The following WHAMM variants were observed in gnomAD, a reference collection of about 807,000 sequenced individuals.
The protein encoded by WHAMM is WASP homolog associated with actin, golgi membranes and microtubules, also known as WASP homolog-associated protein with actin, membranes and microtubules.
In WHAMM, 67 loss-of-function variants were observed where a neutral mutation model predicts 76.5. The observed-to-expected ratio is 0.88, with a 90% CI of 0.72 to 1.07. The LOEUF is 1.07. WHAMM is among the 50% of genes least tolerant of loss of function. The probability of loss-of-function intolerance (pLI) is 0.00; values close to 1 mark genes in which losing one functional copy is unlikely to be tolerated. For missense variants in WHAMM, 1,021 were observed against 1,051.1 expected, an observed-to-expected ratio of 0.97 and a Z score of 0.40; for synonymous variants, 419 against 422.1, an observed-to-expected ratio of 0.99 and a Z score of 0.09.
chr15:82,829,668 G>A (rs902384640), intron 8 of WHAMM, among the ~76,000 whole-genome samples: 2 of 152,080 alleles, frequency 1.3e-5, no homozygotes, highest in Non-Finnish European at 2.9e-5. Flanking sequence ...GGGTGTGTGT[G>A]TGTGTGTCCT....
At chr15:82,824,162 C>CTTTTTTTTTTTTTTTTTTTTTTTT (rs71156055) in intron 6 of WHAMM, among the ~76,000 whole-genome samples, 6 of 118,074 alleles carry the variant, frequency 5.1e-5, no homozygotes, top group Admixed American at 9.4e-5. Flanking sequence ...TACTTTTCTC[C>CTTTTTTTTTTTTTTTTTTTTTTTT]TTTTTTTTTT....
In WHAMM at chr15:82,833,595, G is replaced by A; in HGVS notation, c.*59G>A. 1 of 1,553,732 alleles carries A rather than the reference G, an allele frequency of 6.4e-7. No homozygotes were observed. Among genetic ancestry groups the A allele is most frequent in the South Asian group, 1.2e-5 (1 of 84,502 alleles). On this transcript the variant is annotated 3_prime_UTR_variant, in exon 10 of 10. Coordinates refer to ENST00000286760, the MANE Select transcript of WHAMM (RefSeq NM_001080435.3). ...GCTTGAATAAAGTGGGTGAGTCTTA[G>A]ACCTATCGAAAAGCATACTAACAGG...
In WHAMM at chr15:82,816,764, A is replaced by G; in HGVS notation, c.856A>G (p.Arg286Gly). 10 of 1,559,936 alleles carry G rather than the reference A, an allele frequency of 6.4e-6. No homozygotes were observed. Among genetic ancestry groups the G allele is most frequent in the Admixed American group, 1.9e-5 (1 of 51,756 alleles). ...GGAGAAAGAAGCTGAAGAATGGACC[A>G]GACGGGCTGAAGAAGCTGTCGTCTC... ...ALEKEAEEWT[R>G]RAEEAVVSIQ... Residue 286 changes from arginine to glycine, a missense_variant, in exon 3 of 10, where the codon AGA (arginine) becomes GGA (glycine). Arg to Gly is a moderately radical substitution (Grantham distance 125). Around this residue, in one of 3 missense-constraint regions of WHAMM, gnomAD observed 501 missense variants for 524.9 expected, o/e 0.95. Transcript: ENST00000286760.
intron 6 of WHAMM, 43 bp from the exon 7 acceptor site, chr15:82,826,367 G>GTTT: frequency 6.3e-7 from 1 of 1,597,420 alleles, no homozygotes; most frequent in Non-Finnish European, 8.6e-7. Context: ...CTATACCAGG[G>GTTT]TAATATTAAA....
intron 2 of WHAMM, among the ~76,000 whole-genome samples, chr15:82,816,449 G>T (rs2050727845): frequency 6.6e-6 from 1 of 152,100 alleles, no homozygotes; most frequent in Non-Finnish European, 1.5e-5. Flanking sequence ...GTTATTCTAG[G>T]CATGTGAAGT....
At position 82,819,303 on chromosome 15, in the gene WHAMM, CT is replaced by C. The variant is rs1376399299; in HGVS notation, c.1105-14del. ...TACTAATTTATTTTAACTTATTTTT[CT>C]TTTTTCTATGAAAATAAGATGGAAG... On this transcript the variant is annotated intron_variant, in intron 4 of 9. Coordinates refer to ENST00000286760, the MANE Select transcript of WHAMM (RefSeq NM_001080435.3). 4 of 979,312 alleles carry C rather than the reference CT, an allele frequency of 4.1e-6. No homozygotes were observed. Among genetic ancestry groups the C allele is most frequent in the African/African-American group, 1.7e-5 (1 of 58,044 alleles). 60.7% of individuals were successfully genotyped at this position (979,312 alleles called of 1,614,324 possible).
intron 6 of WHAMM, among the ~76,000 whole-genome samples, chr15:82,825,689 G>A (rs1235535900): frequency 2.0e-5 from 3 of 152,012 alleles, no homozygotes; most frequent in Admixed American, 2.0e-4. Flanking sequence ...TCGGGAGGCT[G>A]AGGCAGGGGA....
chr15:82,824,588 TG>T (rs2050898152), intron 6 of WHAMM, among the ~76,000 whole-genome samples: 1 of 152,160 alleles, frequency 6.6e-6, no homozygotes, highest in South Asian at 2.1e-4. Context: ...CCCAAAGTGC[TG>T]GGATTACGGG....
chr15:82,824,613 G>A (rs1181232869), intron 6 of WHAMM, among the ~76,000 whole-genome samples: 10 of 152,024 alleles, frequency 6.6e-5, no homozygotes, highest in African/African-American at 1.4e-4. Context: ...GAGTCACAGC[G>A]CCTGGCCACA....
intron 9 of WHAMM, among the ~76,000 whole-genome samples, chr15:82,832,061 C>T (rs917494625): frequency 6.6e-6 from 1 of 152,104 alleles, no homozygotes; most frequent in African/African-American, 2.4e-5. Context: ...CAACAACTGC[C>T]CTGTGAATGA....
intron 5 of WHAMM, among the ~76,000 whole-genome samples, chr15:82,820,329 A>AT: frequency 6.6e-6 from 1 of 152,322 alleles, no homozygotes; most frequent in South Asian, 2.1e-4. Flanking sequence ...ATAGTATTCC[A>AT]TTATATGGAT....
intron 2 of WHAMM, among the ~76,000 whole-genome samples, chr15:82,814,958 G>T (rs1405285265): frequency 1.3e-5 from 2 of 148,734 alleles, no homozygotes; most frequent in African/African-American, 4.9e-5. Context: ...TTTTAGTAGA[G>T]ATGGGGTTTC....
In WHAMM at chr15:82,831,085, C is replaced by A. The variant is rs369634014; in HGVS notation, c.2122+6C>A. The stretch of plus-strand genomic sequence containing the variant: ...GGAAAGTTTTTCATGTCCAGGTAAT[C>A]CACTGGAATTCTGTCCCTGCTCCCC... On this transcript the variant is annotated splice_donor_region_variant and intron_variant, in intron 9 of 9. Coordinates refer to ENST00000286760, the MANE Select transcript of WHAMM (RefSeq NM_001080435.3). 1.2e-5 allele frequency: 20 copies of A among 1,601,720 alleles called. 1 individual carries two copies. Among genetic ancestry groups the A allele is most frequent in the Non-Finnish European group, 1.4e-5 (17 of 1,178,408 alleles).
At position 82,830,859 on chromosome 15, in the gene WHAMM, G is replaced by A; in HGVS notation, c.1902G>A (p.Glu634=). The change falls in exon 9 of 10, where the codon GAG becomes GAA. Residue 634 remains glutamate, a synonymous_variant. Transcript: ENST00000286760. ...ATCAAACACATTCCAAATCCAGTGA[G>A]GAATTGTCACTGCCACCACCTCCTC... The part of the protein sequence containing the change: ...VGDQTHSKSS[E]ELSLPPPPPP... The A allele has an allele frequency of 1.3e-6, 2 of 1,585,594 alleles. No homozygotes were observed. Among genetic ancestry groups the A allele is most frequent in the Non-Finnish European group, 1.7e-6 (2 of 1,165,258 alleles).
Position 82,823,228 on chromosome 15 carries a change from C to T in WHAMM, c.1399C>T (p.Gln467Ter), listed in dbSNP as rs1431991770. The T allele has an allele frequency of 6.9e-6, 11 of 1,585,268 alleles. No individual in the cohort carries two copies. Among genetic ancestry groups the T allele is most frequent in the Non-Finnish European group, 9.5e-6 (11 of 1,162,968 alleles). The part of the protein sequence containing the change: ...EVKELRRQCQ[Q>*]LESKRGRICA... ...GAAAGAACTCAGAAGGCAGTGCCAGCAGCTGGAGTCTAAACGGGGCAGGAT... is the reference window on the plus strand; with the variant it reads ...GAAAGAACTCAGAAGGCAGTGCCAGTAGCTGGAGTCTAAACGGGGCAGGAT... Residue 467 changes from glutamine to a stop codon, truncating the protein, a stop_gained, in exon 6 of 10, where the codon CAG (glutamine) becomes TAG (stop). Coordinates refer to ENST00000286760, the MANE Select transcript of WHAMM (RefSeq NM_001080435.3). LOFTEE classifies it high-confidence loss of function.
chr15:82,815,445 A>G (rs2050711548), intron 2 of WHAMM, among the ~76,000 whole-genome samples: 1 of 151,942 alleles, frequency 6.6e-6, no homozygotes, highest in Non-Finnish European at 1.5e-5. Context: ...CATTGTATGG[A>G]TATATTACAT....
chr15:82,827,179 TTTCCC>T lies in WHAMM; in HGVS notation c.1641+334_1641+338del, dbSNP rs2050949839. Among the ~76,000 whole-genome samples, 4 of 152,176 alleles carry T rather than the reference TTTCCC, an allele frequency of 2.6e-5. No individual in the cohort carries two copies. In the South Asian group the frequency reaches 8.3e-4, roughly 32 times the overall value. On this transcript the variant is annotated intron_variant, in intron 8 of 9. Transcript: ENST00000286760. ...TCAACTCCCTTGACTTTAGCTGGCA[TTTCCC>T]CTCATTTGTAATAAACAATTCTTTA... is the stretch of plus-strand genomic sequence containing the variant.
intron 1 of WHAMM, chr15:82,810,637 G>A: frequency 2.0e-6 from 2 of 985,464 alleles, no homozygotes; most frequent in Non-Finnish European, 2.4e-6. Context: ...TGTTGTAACA[G>A]GAAATGCCAG....
At chr15:82,831,710 T>G (rs2151574664) in intron 9 of WHAMM, among the ~76,000 whole-genome samples, 1 of 152,338 alleles carries the variant, frequency 6.6e-6, no homozygotes, top group South Asian at 2.1e-4. Flanking sequence ...TCACTCAGAA[T>G]TTGAATTTTG....
Sources: allele counts gnomAD v4.1 joint callset (sites outside exome capture counted in the v4.1 genomes callset), GRCh38; gene constraint gnomAD v4.1.1; regional missense constraint gnomAD v4.1.1; transcripts MANE v1.5; gene names NCBI Gene and HGNC (gene_info 2026-07-23, HGNC 2026-07-21).